The following NACC2 variants were observed in gnomAD, a reference collection of about 807,000 sequenced individuals.
The protein encoded by NACC2 is nucleus accumbens-associated protein 2.
Under a neutral mutation model 25.1 loss-of-function variants are expected in NACC2, and 8 were observed. That is an observed-to-expected ratio of 0.32 (90% CI 0.19 to 0.57). The LOEUF (loss-of-function observed/expected upper bound fraction) is 0.57. NACC2 is among the 20% of genes least tolerant of loss of function. NACC2 has a pLI of 0.89. For missense variants in NACC2, 644 were observed against 650.2 expected, an observed-to-expected ratio of 0.99 and a Z score of 0.10; for synonymous variants, 435 against 294.7, an observed-to-expected ratio of 1.48 and a Z score of -4.88.
chr9:136,055,496 G>A lies in NACC2; in HGVS notation c.-59-4916C>T, dbSNP rs952784329. Reference sequence around the variant, plus strand: ...CTGGGGCCCAGCCAGGCAGCTCCATGGTCTGAGGGCCTCGCCCAGAGTCCC... The same window carrying A: ...CTGGGGCCCAGCCAGGCAGCTCCATAGTCTGAGGGCCTCGCCCAGAGTCCC... On this transcript the variant is annotated intron_variant, in intron 1 of 5. Transcript: ENST00000277554. This position sits in a 1 kb window ranked among gnomAD's most constrained non-coding sequence, Gnocchi z 4.9. 6.6e-6 allele frequency among the ~76,000 whole-genome samples: 1 copy of A among 152,142 alleles called. No individual in the cohort carries two copies. The highest frequency in any genetic ancestry group is 2.4e-5 in the African/African-American group (1 of 41,426).
intron 1 of NACC2, among the ~76,000 whole-genome samples, chr9:136,083,687 G>A (rs1021164405): frequency 6.6e-6 from 1 of 152,252 alleles, no homozygotes; most frequent in African/African-American, 2.4e-5. Flanking sequence ...GCAGGCGGGG[G>A]CCCCGAGACA....
Position 136,050,424 on chromosome 9 carries a change from G to C in NACC2, c.98C>G (p.Ser33Cys). The C allele has an allele frequency of 1.3e-6, 1 of 766,490 alleles. No individual in the cohort carries two copies. The highest frequency in any genetic ancestry group is 2.4e-6 in the Non-Finnish European group (1 of 416,970). 47.5% of individuals were successfully genotyped at this position (766,490 alleles called of 1,614,324 possible). A position where few individuals can be genotyped will look rare whatever the true frequency, so the allele number is the denominator to read the frequency against. ...GAAGGCCTGGCCCTTGACCACGATG[G>C]ACACATCGCAGTAGAGGCCCAGCAG... ...QRLLGLYCDV[S>C]IVVKGQAFKA... Residue 33 changes from serine to cysteine, a missense_variant, in exon 2 of 6, where the codon TCC becomes TGC. By Grantham distance (112) the Ser-to-Cys change is moderately radical (BLOSUM62 -1). Coordinates refer to ENST00000277554, the MANE Select transcript of NACC2 (RefSeq NM_144653.5).
chr9:136,078,415 A>G (rs995459105), intron 1 of NACC2, among the ~76,000 whole-genome samples: 1 of 152,206 alleles, frequency 6.6e-6, no homozygotes, highest in African/African-American at 2.4e-5. Flanking sequence ...AGGCTTTTCC[A>G]TTTAATCTTT....
chr9:136,040,023 T>C (rs1840604438), intron 2 of NACC2, among the ~76,000 whole-genome samples: 1 of 152,168 alleles, frequency 6.6e-6, no homozygotes, highest in African/African-American at 2.4e-5. Flanking sequence ...AGCAAGGTTG[T>C]AGAATACAAG....
intron 1 of NACC2, among the ~76,000 whole-genome samples, chr9:136,051,148 G>A (rs1241228260): frequency 6.6e-6 from 1 of 152,170 alleles, no homozygotes; most frequent in Non-Finnish European, 1.5e-5. Context: ...GCGTCCCCTA[G>A]TCCCCCTGAG....
At chr9:136,039,131 G>T (rs1299312660) in intron 2 of NACC2, among the ~76,000 whole-genome samples, 1 of 152,118 alleles carries the variant, frequency 6.6e-6, no homozygotes, top group Admixed American at 6.6e-5. Context: ...GACAAAAAGA[G>T]CCAAAACCAC....
chr9:136,012,969 A>G (rs1289941493), intron 5 of NACC2, among the ~76,000 whole-genome samples: 2 of 152,276 alleles, frequency 1.3e-5, no homozygotes, highest in African/African-American at 4.8e-5. Context: ...ATAGTTTCGC[A>G]GCTGAATTCA....
At chr9:136,038,833 G>C (rs1840591467) in intron 2 of NACC2, among the ~76,000 whole-genome samples, 1 of 152,148 alleles carries the variant, frequency 6.6e-6, no homozygotes, top group Non-Finnish European at 1.5e-5. Flanking sequence ...GTGCGGTCTA[G>C]AGCAATTGCT....
intron 2 of NACC2, among the ~76,000 whole-genome samples, chr9:136,032,001 G>GGGC (rs1409558037): frequency 6.1e-5 from 9 of 148,364 alleles, no homozygotes; most frequent in African/African-American, 2.3e-4. Flanking sequence ...GGGGGGCAAG[G>GGGC]GTCGTCCTCG....
At chr9:136,070,089 TAC>T (rs1320336854) in intron 1 of NACC2, among the ~76,000 whole-genome samples, 2 of 151,922 alleles carry the variant, frequency 1.3e-5, no homozygotes, top group Admixed American at 1.3e-4. Context: ...GACTTAAAAT[TAC>T]ACAGTGTGTT....
chr9:136,050,756 A>G (rs1242264156), intron 1 of NACC2, among the ~76,000 whole-genome samples, 176 bp from the exon 2 acceptor site: 1 of 152,000 alleles, frequency 6.6e-6, no homozygotes, highest in Non-Finnish European at 1.5e-5. Context: ...GGGGTCTCCC[A>G]GACCCCCTGG....
intron 2 of NACC2, among the ~76,000 whole-genome samples, chr9:136,047,332 C>T (rs966331072): frequency 7.9e-5 from 12 of 152,210 alleles, no homozygotes; most frequent in African/African-American, 2.7e-4. Context: ...ACGCCAGCAA[C>T]GTCACAGCCA....
rs558234827 is a variant in NACC2 at position 136,013,131 on chromosome 9, G to T, written c.1255+68C>A. The T allele has an allele frequency of 7.8e-6, 11 of 1,415,630 alleles. No homozygotes were observed. Among genetic ancestry groups the T allele is most frequent in the Non-Finnish European group, 9.8e-6 (10 of 1,017,520 alleles). The allele number at this position is 1,415,630 out of a possible 1,614,324, so 87.7% of individuals were successfully genotyped here. On this transcript the variant is annotated intron_variant, in intron 5 of 5. Transcript: ENST00000277554. The surrounding 1 kb of genome is among the most constrained non-coding windows in gnomAD (Gnocchi z 6.6). Reference sequence around the variant, plus strand: ...CGGGAGCACCCCCGCGGCCCACCCAGTCCTCCTCAGGCTGGGATCTGAACC... The same window carrying T: ...CGGGAGCACCCCCGCGGCCCACCCATTCCTCCTCAGGCTGGGATCTGAACC...
In NACC2 at chr9:136,014,021, C is replaced by A. The variant is rs377445619; in HGVS notation, c.1052-52G>T. The A allele has an allele frequency of 1.3e-3, 1,827 of 1,383,852 alleles. 16 individuals are homozygous for A. The African/African-American group carries it at 0.014, about 11-fold the overall frequency. 85.7% of individuals were successfully genotyped at this position (1,383,852 alleles called of 1,614,324 possible). ...TCGTGGCCTTCCCGGGCCATAGGGT[C>A]CGAAGAGGCGCACAGATGGGTGAGG... On this transcript the variant is annotated intron_variant, in intron 3 of 5. Coordinates refer to ENST00000277554, the MANE Select transcript of NACC2 (RefSeq NM_144653.5).
chr9:136,021,268 A>G (rs988008187), intron 2 of NACC2, among the ~76,000 whole-genome samples: 1 of 152,240 alleles, frequency 6.6e-6, no homozygotes, highest in Admixed American at 6.5e-5. Flanking sequence ...AAATTAGCAC[A>G]TGAAAAGACA....
chr9:136,073,497 G>A (rs1391574078), intron 1 of NACC2, among the ~76,000 whole-genome samples: 3 of 152,100 alleles, frequency 2.0e-5, no homozygotes, highest in Non-Finnish European at 4.4e-5. Context: ...CAGGGGGTGT[G>A]AGCGTGGATC....
intron 1 of NACC2, among the ~76,000 whole-genome samples, chr9:136,061,384 C>T (rs530600580): frequency 6.6e-6 from 1 of 152,106 alleles, no homozygotes; most frequent in Non-Finnish European, 1.5e-5. Context: ...TAGAGGGGTC[C>T]CCTCCCTCCA....
At chr9:136,032,383 A>G (rs1588564293) in intron 2 of NACC2, among the ~76,000 whole-genome samples, 1 of 148,146 alleles carries the variant, frequency 6.8e-6, no homozygotes, top group Non-Finnish European at 1.5e-5. Context: ...ACTTACGAGG[A>G]AAAAAAAAAC....
At chr9:136,029,996 G>A (rs1416563479) in intron 2 of NACC2, among the ~76,000 whole-genome samples, 3 of 152,190 alleles carry the variant, frequency 2.0e-5, no homozygotes, top group African/African-American at 7.2e-5. Context: ...TCTGGCGGGT[G>A]AAGCGACACC....
Sources: allele counts gnomAD v4.1 joint callset (sites outside exome capture counted in the v4.1 genomes callset), GRCh38; gene constraint gnomAD v4.1.1; non-coding constraint Gnocchi (gnomAD v3.1); transcripts MANE v1.5; gene names NCBI Gene and HGNC (gene_info 2026-07-23, HGNC 2026-07-21).